TMEM68: variants seen among roughly 807,000 people sequenced by gnomAD.
TMEM68 encodes DGAT1/2-independent enzyme synthesizing storage lipids.
TMEM68 carries 25 observed loss-of-function variants against 36.9 expected under a neutral mutation model. The ratio of observed to expected loss-of-function variants is 0.68; its 90% CI spans 0.49 to 0.95. TMEM68 has a LOEUF of 0.95. TMEM68 is among the 40% of genes least tolerant of loss of function. The pLI is 0.00. For missense variants in TMEM68, 333 were observed against 392.0 expected, an observed-to-expected ratio of 0.85 and a Z score of 1.27; for synonymous variants, 131 against 124.4, an observed-to-expected ratio of 1.05 and a Z score of -0.35.
intron 4 of TMEM68, among the ~76,000 whole-genome samples, chr8:55,754,561 A>G (rs1810520414): frequency 7.2e-6 from 1 of 138,672 alleles, no homozygotes; most frequent in East Asian, 2.0e-4. Context: ...ATACATACAT[A>G]TTATATATTT....
At chr8:55,764,417 T>A (rs1462846094) in intron 1 of TMEM68, among the ~76,000 whole-genome samples, 1 of 152,250 alleles carries the variant, frequency 6.6e-6, no homozygotes, top group Non-Finnish European at 1.5e-5. Flanking sequence ...TTTGATTGTA[T>A]TCTTAGAACT....
chr8:55,757,566 G>A (rs1361858996), intron 3 of TMEM68, among the ~76,000 whole-genome samples: 1 of 152,074 alleles, frequency 6.6e-6, no homozygotes, highest in Non-Finnish European at 1.5e-5. Context: ...AACCTGTCAG[G>A]CGCTGGGAAA....
rs148298872 is a variant in TMEM68 at position 55,742,130 on chromosome 8, T to C, written c.888+1351A>G. Among the ~76,000 whole-genome samples the C allele has an allele frequency of 9.3e-4, 142 of 152,258 alleles. 1 individual carries two copies. In the East Asian group the frequency reaches 0.02, roughly 22 times the overall value. ...TGAACCTTGAGGACATTATGTTAAC[T>C]GAAATAAGTCAATGACAAAAAGACA... On this transcript the variant is annotated intron_variant, in intron 7 of 7. Transcript: ENST00000434581.
Position 55,738,853 on chromosome 8 carries a change from A to T in TMEM68, c.*1279T>A, listed in dbSNP as rs1438577334. On this transcript the variant is annotated 3_prime_UTR_variant, in exon 8 of 8. Transcript: ENST00000434581. ...CAAAAACCCTACTAATTCAACATTTAAAAAAGGGAGAGGGAGATACTGCAT... is the reference window on the plus strand; with the variant it reads ...CAAAAACCCTACTAATTCAACATTTTAAAAAGGGAGAGGGAGATACTGCAT... 6.6e-6 allele frequency: 1 copy of T among 152,654 alleles called. No homozygotes were observed. The highest frequency in any genetic ancestry group is 6.5e-5 in the Admixed American group (1 of 15,276). 9.5% of individuals were successfully genotyped at this position (152,654 alleles called of 1,614,324 possible). A position where few individuals can be genotyped will look rare whatever the true frequency, so the allele number is the denominator to read the frequency against.
intron 7 of TMEM68, among the ~76,000 whole-genome samples, chr8:55,741,209 G>A (rs1378083577): frequency 1.3e-5 from 2 of 152,130 alleles, no homozygotes; most frequent in Non-Finnish European, 2.9e-5. Flanking sequence ...TGTAGCCTGG[G>A]CAACAAGAGT....
chr8:55,758,686 G>A (rs1810682751), intron 3 of TMEM68, among the ~76,000 whole-genome samples: 1 of 152,198 alleles, frequency 6.6e-6, no homozygotes, highest in South Asian at 2.1e-4. Context: ...TGTGCCTGTA[G>A]TCTCAGTTAC....
chr8:55,766,596 T>G (rs1390360119), intron 1 of TMEM68, among the ~76,000 whole-genome samples: 2 of 152,082 alleles, frequency 1.3e-5, no homozygotes, highest in Non-Finnish European at 2.9e-5. Context: ...CAGGATGGTC[T>G]CGATCTCCTG....
chr8:55,765,119 T>C (rs1202836159), intron 1 of TMEM68, among the ~76,000 whole-genome samples: 1 of 152,128 alleles, frequency 6.6e-6, no homozygotes, highest in Non-Finnish European at 1.5e-5. Context: ...TTACCCATGT[T>C]TGATCATTTA....
intron 4 of TMEM68, among the ~76,000 whole-genome samples, chr8:55,755,551 C>T (rs1315174930): frequency 6.6e-6 from 1 of 151,088 alleles, no homozygotes; most frequent in Non-Finnish European, 1.5e-5. Flanking sequence ...GGATTATAGG[C>T]ATGAGCCACT....
chr8:55,764,507 A>G (rs1810903925), intron 1 of TMEM68, among the ~76,000 whole-genome samples: 1 of 152,236 alleles, frequency 6.6e-6, no homozygotes, highest in Non-Finnish European at 1.5e-5. Context: ...AAATGAATAA[A>G]TGAAAGCAAA....
Position 55,750,997 on chromosome 8 carries a change from T to G in TMEM68, c.654A>C (p.Arg218Ser). Reference protein sequence around the residue: ...ETYNIVWGHRRGFAQVAIDAK... With the variant: ...ETYNIVWGHRSGFAQVAIDAK... ...CATCAATTGCAACCTGAGCAAAGCC[T>G]CTGCGATGACCCCATACGATGTTAT... is the stretch of plus-strand genomic sequence containing the variant. The change falls in exon 5 of 8, where the codon AGA becomes AGC. Residue 218 changes from arginine (R) to serine (S), a missense_variant. By Grantham distance (110) the Arg-to-Ser change is moderately radical (BLOSUM62 -1). Coordinates refer to ENST00000434581, the MANE Select transcript of TMEM68 (RefSeq NM_001286657.2). The G allele has an allele frequency of 6.2e-7, 1 of 1,612,856 alleles. No homozygotes were observed. The highest frequency in any genetic ancestry group is 8.5e-7 in the Non-Finnish European group (1 of 1,179,790).
At chr8:55,747,091 T>A (rs1469660435) in intron 5 of TMEM68, 1 of 152,390 alleles carries the variant, frequency 6.6e-6, no homozygotes, top group African/African-American at 2.4e-5. Context: ...GGGCCGGGCA[T>A]GGTGGCTCAT....
chr8:55,750,627 C>T (rs1810402179), intron 5 of TMEM68, among the ~76,000 whole-genome samples: 1 of 148,854 alleles, frequency 6.7e-6, no homozygotes, highest in Admixed American at 6.8e-5. Flanking sequence ...GCAACCACTA[C>T]CTCCTGGGTT....
chr8:55,743,512 G>C lies in TMEM68; in HGVS notation c.857C>G (p.Pro286Arg). Reference protein sequence around the residue: ...TYLGDPIPYDPQITAEELAEK... With the variant: ...TYLGDPIPYDRQITAEELAEK... ...AGCTAATTCTTCCGCTGTTATCTGT[G>C]GGTCATACGGAATGGGGTCGCCTAA... The change falls in exon 7 of 8, where the codon CCA (proline) becomes CGA (arginine). Residue 286 changes from proline (P) to arginine (R), a missense_variant. By Grantham distance (103) the Pro-to-Arg change is moderately radical. Transcript: ENST00000434581. The C allele has an allele frequency of 1.3e-6, 2 of 1,535,162 alleles. No individual in the cohort carries two copies. The highest frequency in any genetic ancestry group is 1.7e-6 in the Non-Finnish European group (2 of 1,146,426).
At chr8:55,742,002 G>T (rs917908120) in intron 7 of TMEM68, among the ~76,000 whole-genome samples, 2 of 152,152 alleles carry the variant, frequency 1.3e-5, no homozygotes, top group Non-Finnish European at 2.9e-5. Flanking sequence ...GTTGCATTGA[G>T]TCGAGACTGC....
chr8:55,755,904 T>C (rs1810590693), intron 4 of TMEM68, among the ~76,000 whole-genome samples: 2 of 151,704 alleles, frequency 1.3e-5, no homozygotes, highest in Non-Finnish European at 2.9e-5. Context: ...CCCTTTAATA[T>C]ATAAAAATAT....
chr8:55,771,264 C>G (rs1033442444), intron 1 of TMEM68, among the ~76,000 whole-genome samples: 2 of 151,876 alleles, frequency 1.3e-5, no homozygotes. Context: ...ACTAATAAAT[C>G]AGAACAGAGA....
chr8:55,767,794 G>A (rs1394396231), intron 1 of TMEM68, among the ~76,000 whole-genome samples: 4 of 152,196 alleles, frequency 2.6e-5, no homozygotes, highest in East Asian at 1.9e-4. Flanking sequence ...AAAATTAGCC[G>A]GGCGTGGTGT....
At chr8:55,760,129 G>A (rs1810737063) in intron 3 of TMEM68, among the ~76,000 whole-genome samples, 1 of 152,214 alleles carries the variant, frequency 6.6e-6, no homozygotes, top group Non-Finnish European at 1.5e-5. Flanking sequence ...TGGCTACCAA[G>A]GCCAACAAAT....
Sources: allele counts gnomAD v4.1 joint callset (sites outside exome capture counted in the v4.1 genomes callset), GRCh38; gene constraint gnomAD v4.1.1; transcripts MANE v1.5; gene names NCBI Gene and HGNC (gene_info 2026-07-23, HGNC 2026-07-21).